The following C5orf34 variants were observed in gnomAD, a reference collection of about 807,000 sequenced individuals.
C5orf34 encodes the protein uncharacterized protein C5orf34.
Under a neutral mutation model 78.4 loss-of-function variants are expected in C5orf34, and 73 were observed. The ratio of observed to expected loss-of-function variants is 0.93; its 90% CI spans 0.77 to 1.13. The LOEUF (loss-of-function observed/expected upper bound fraction) is 1.13, where lower values mean the gene tolerates loss of function less well. C5orf34 is among the 50% of genes most tolerant of loss of function. The pLI is 0.00. For synonymous variants in C5orf34, 251 were observed against 246.6 expected (o/e 1.02, Z -0.17); for missense variants, 730 against 732.7 (o/e 1.00, Z 0.04).
Position 43,511,250 on chromosome 5 carries a change from G to A in C5orf34, c.-36-1875C>T, listed in dbSNP as rs1178505208. The A allele has an allele frequency of 1.4e-4, 24 of 173,604 alleles. 1 individual carries two copies. The South Asian group carries it at 2.2e-3, about 16-fold the overall frequency. The allele number at this position is 173,604 out of a possible 1,614,324, so 10.8% of individuals were successfully genotyped here. A position where few individuals can be genotyped will look rare whatever the true frequency, so the allele number is the denominator to read the frequency against. Reference sequence around the variant, plus strand: ...TGAGGAGCCTCTCCGCCTGGCAGCCGCCCCGTCTGAGAAGTGAGGAGCCCC... The same window carrying A: ...TGAGGAGCCTCTCCGCCTGGCAGCCACCCCGTCTGAGAAGTGAGGAGCCCC... On this transcript the variant is annotated intron_variant, in intron 1 of 12. Coordinates refer to ENST00000306862, the MANE Select transcript of C5orf34 (RefSeq NM_198566.4).
chr5:43,505,623 G>C (rs1430574301), intron 4 of C5orf34, 125 bp downstream of exon 4: 2 of 1,034,466 alleles, frequency 1.9e-6, no homozygotes, highest in Non-Finnish European at 2.8e-6. Context: ...TTTACTATCA[G>C]TTAAAAGCAA....
intron 3 of C5orf34, among the ~76,000 whole-genome samples, chr5:43,506,607 GA>G (rs1745996189): frequency 6.6e-6 from 1 of 151,974 alleles, no homozygotes; most frequent in Non-Finnish European, 1.5e-5. Context: ...TTAAAAAAAA[GA>G]GATGTAAAAC....
intron 2 of C5orf34, 82 bp downstream of exon 2, chr5:43,509,063 C>A: frequency 2.8e-6 from 3 of 1,071,988 alleles, no homozygotes; most frequent in Non-Finnish European, 4.1e-6. Context: ...TATGGTAGTG[C>A]CACTGTACTC....
At position 43,492,886 on chromosome 5, in the gene C5orf34, G is replaced by A; in HGVS notation, c.1319C>T (p.Pro440Leu). 6.3e-7 allele frequency: 1 copy of A among 1,579,234 alleles called. No individual in the cohort carries two copies. Among genetic ancestry groups the A allele is most frequent in the Non-Finnish European group, 8.6e-7 (1 of 1,159,874 alleles). Residue 440 changes from proline (P) to leucine (L), a missense_variant, in exon 9 of 13, where the codon CCT becomes CTT. Physicochemically the swap from Pro to Leu is moderately conservative, Grantham distance 98 (BLOSUM62 -3). Transcript: ENST00000306862. Reference protein sequence around the residue: ...NYRICCWKMVPGINDSNILPL... With the variant: ...NYRICCWKMVLGINDSNILPL... ...CAGTATATTGCTATCATTTATCCCA[G>A]GTACCTAAAACCAAGTAAATAAAAA...
chr5:43,490,882 T>TGAAAAA (rs1745253426), intron 10 of C5orf34, among the ~76,000 whole-genome samples, 153 bp from the exon 11 acceptor site: 1 of 152,198 alleles, frequency 6.6e-6, no homozygotes. Flanking sequence ...AAAATATTTT[T>TGAAAAA]CACTGGTCAT....
At chr5:43,505,509 C>T in intron 4 of C5orf34, 2 of 423,688 alleles carry the variant, frequency 4.7e-6, no homozygotes, top group Non-Finnish European at 8.3e-6. Flanking sequence ...GTCATCTCTG[C>T]AGTTACTGGA....
intron 1 of C5orf34, among the ~76,000 whole-genome samples, chr5:43,512,939 C>T (rs751093127): frequency 1.6e-4 from 25 of 151,888 alleles, no homozygotes; most frequent in South Asian, 2.1e-4. Context: ...CGTGCCACCA[C>T]GCCTGGCTCA....
At chr5:43,490,519 C>T (rs1745236139) in intron 11 of C5orf34, 112 bp downstream of exon 11, 2 of 666,646 alleles carry the variant, frequency 3.0e-6, no homozygotes, top group Non-Finnish European at 5.3e-6. Context: ...TAAACATATT[C>T]AAAACTAAGA....
chr5:43,495,617 G>A (rs1337346040), intron 6 of C5orf34: 1 of 1,607,578 alleles, frequency 6.2e-7, no homozygotes, highest in East Asian at 2.2e-5. Context: ...GTTGACTGGA[G>A]CAAAGGTGAC....
rs374367079 is a variant in C5orf34, at chr5:43,500,951, G to T, written c.1152+1421C>A. 3.2e-4 allele frequency among the ~76,000 whole-genome samples: 49 copies of T among 152,336 alleles called. No individual in the cohort carries two copies. In the East Asian group the frequency reaches 5.2e-3, roughly 16 times the overall value. ...CTTTATCCCCAAAAGAGGGTCAATT[G>T]TTTCTAAACCTTTGCACTAAAACAG... On this transcript the variant is annotated intron_variant, in intron 6 of 12. Transcript: ENST00000306862.
At chr5:43,502,308 T>C in intron 6 of C5orf34, 64 bp downstream of exon 6, 1 of 1,547,156 alleles carries the variant, frequency 6.5e-7, no homozygotes, top group Middle Eastern at 1.8e-4. Flanking sequence ...CATATATATT[T>C]GGAATTATTT....
chr5:43,496,438 G>A (rs1018578296), intron 6 of C5orf34: 3 of 1,585,140 alleles, frequency 1.9e-6, no homozygotes, highest in Admixed American at 1.7e-5. Context: ...GTTGATATGA[G>A]TCTTTTCCTT....
At chr5:43,502,556 G>A in intron 5 of C5orf34, 61 bp from the exon 6 acceptor site, 12 of 968,544 alleles carry the variant, frequency 1.2e-5, no homozygotes, top group Non-Finnish European at 1.7e-5. Context: ...CATGCATGAA[G>A]ATAGTCATCA....
chr5:43,494,043 C>T (rs1745397473), intron 7 of C5orf34, among the ~76,000 whole-genome samples: 1 of 152,090 alleles, frequency 6.6e-6, no homozygotes, highest in Non-Finnish European at 1.5e-5. Flanking sequence ...AAACAACAGT[C>T]CACTTGCATT....
intron 1 of C5orf34, among the ~76,000 whole-genome samples, chr5:43,513,861 G>A (rs2112348023): frequency 6.6e-6 from 1 of 152,206 alleles, no homozygotes; most frequent in Non-Finnish European, 1.5e-5. Context: ...TTTCTTCATA[G>A]AATCTATCAT....
chr5:43,494,837 G>A (rs539058049), intron 6 of C5orf34, among the ~76,000 whole-genome samples: 1 of 151,348 alleles, frequency 6.6e-6, no homozygotes, highest in South Asian at 2.1e-4. Context: ...TGGTCAAGTT[G>A]TTTCCATTAA....
chr5:43,502,785 C>G (rs900299231), intron 5 of C5orf34, among the ~76,000 whole-genome samples: 2 of 152,218 alleles, frequency 1.3e-5, no homozygotes, highest in African/African-American at 4.8e-5. Context: ...CTGCTAATCA[C>G]AAGGCTGGCA....
At position 43,503,703 on chromosome 5, in the gene C5orf34, T is replaced by A. The variant is rs373119440; in HGVS notation, c.990A>T (p.Glu330Asp). The change falls in exon 5 of 13, where the codon GAA becomes GAT. Residue 330 changes from glutamate to aspartate, a missense_variant. Transcript: ENST00000306862. ...CTTTGTACCAAACCATTTTCACTAGTTCAGGATAGGAATATTCATCAGATT... is the reference window on the plus strand; with the variant it reads ...CTTTGTACCAAACCATTTTCACTAGATCAGGATAGGAATATTCATCAGATT... ...QRQSDEYSYP[E>D]LVKMVWYKGV... 3.7e-6 allele frequency: 6 copies of A among 1,613,694 alleles called. No individual in the cohort carries two copies. Among genetic ancestry groups the A allele is most frequent in the Admixed American group, 1.7e-5 (1 of 60,006 alleles).
intron 6 of C5orf34, chr5:43,495,916 A>C (rs1339301468): frequency 6.3e-7 from 1 of 1,592,114 alleles, no homozygotes; most frequent in Non-Finnish European, 8.6e-7. Flanking sequence ...GGTTGTAACC[A>C]ATTTTCTTAA....
Sources: allele counts gnomAD v4.1 joint callset (sites outside exome capture counted in the v4.1 genomes callset), GRCh38; gene constraint gnomAD v4.1.1; transcripts MANE v1.5; gene names NCBI Gene and HGNC (gene_info 2026-07-23, HGNC 2026-07-21).